POLK: variants seen among roughly 807,000 people sequenced by gnomAD.
POLK encodes the protein polymerase (DNA directed) kappa.
A neutral mutation model predicts 94.0 loss-of-function variants in POLK; 76 were observed. That is an observed-to-expected ratio of 0.81 (90% confidence interval 0.67 to 0.98). POLK has a LOEUF of 0.98. Among genes scored for constraint, POLK ranks in the 50% least tolerant of loss-of-function variants. The pLI, the probability that POLK is intolerant of heterozygous loss-of-function variation, is 0.00. For synonymous variants in POLK, 349 were observed against 325.4 expected, an observed-to-expected ratio of 1.07 and a Z score of -0.78; for missense variants, 954 against 1,010.1, an observed-to-expected ratio of 0.94 and a Z score of 0.75.
upstream of POLK, chr5:75,511,281 G>GT (rs1767975660): frequency 1.9e-6 from 3 of 1,581,122 alleles, no homozygotes; most frequent in Admixed American, 1.8e-5. Context: ...CAGTCCTCGG[G>GT]GTGAAGGGTC....
At chr5:75,540,065 A>G (rs1769660191) in intron 1 of POLK, among the ~76,000 whole-genome samples, 1 of 152,234 alleles carries the variant, frequency 6.6e-6, no homozygotes, top group Non-Finnish European at 1.5e-5. Flanking sequence ...TATCAAGGTT[A>G]GAACTCAGAA....
chr5:75,537,563 A>G (rs533092332), intron 1 of POLK, among the ~76,000 whole-genome samples: 1 of 152,282 alleles, frequency 6.6e-6, no homozygotes, highest in African/African-American at 2.4e-5. Flanking sequence ...AGCAATGCGC[A>G]TGAGCTGCTT....
At chr5:75,562,989 C>T (rs1771068845) in intron 3 of POLK, among the ~76,000 whole-genome samples, 1 of 152,158 alleles carries the variant, frequency 6.6e-6, no homozygotes, top group African/African-American at 2.4e-5. Flanking sequence ...TGTTGTGTCT[C>T]TCTCAGGTTT....
At chr5:75,569,555 C>A in intron 4 of POLK, 63 bp downstream of exon 4, 1 of 1,376,814 alleles carries the variant, frequency 7.3e-7, no homozygotes, top group South Asian at 1.3e-5. Flanking sequence ...TTTACTGTTT[C>A]ATGAAGGGGG....
intron 1 of POLK, among the ~76,000 whole-genome samples, chr5:75,544,961 T>C (rs1355314270): frequency 6.6e-6 from 1 of 152,008 alleles, no homozygotes; most frequent in Admixed American, 6.6e-5. Flanking sequence ...ATACCAGTGG[T>C]TCTTGTACTT....
chr5:75,545,689 T>C (rs1228968236), intron 1 of POLK, among the ~76,000 whole-genome samples: 2 of 152,202 alleles, frequency 1.3e-5, no homozygotes, highest in African/African-American at 4.8e-5. Context: ...TTTCATTGCC[T>C]TAAGAAGGAG....
intron 4 of POLK, among the ~76,000 whole-genome samples, chr5:75,573,191 T>G (rs963320250): frequency 6.6e-6 from 1 of 151,976 alleles, no homozygotes; most frequent in African/African-American, 2.4e-5. Context: ...CCATAAAAAA[T>G]GATGAGTTCA....
intron 1 of POLK, among the ~76,000 whole-genome samples, chr5:75,543,881 T>C (rs1228889185): frequency 6.6e-6 from 1 of 152,192 alleles, no homozygotes; most frequent in Non-Finnish European, 1.5e-5. Context: ...TTGCCCAGGC[T>C]GGAGTGCAGT....
At chr5:75,541,282 A>G (rs1187606649) in intron 1 of POLK, among the ~76,000 whole-genome samples, 1 of 151,406 alleles carries the variant, frequency 6.6e-6, no homozygotes, top group Non-Finnish European at 1.5e-5. Flanking sequence ...CAAGACTGAA[A>G]CTCTGTCTTC....
chr5:75,599,131 A>C (rs1387670051), exon 15 of POLK: 1 of 152,016 alleles, frequency 6.6e-6, no homozygotes, highest in Admixed American at 6.6e-5. Flanking sequence ...ACACGCCTGT[A>C]ATCCCAGCTA....
chr5:75,599,653 A>T (rs1183040926), exon 15 of POLK: 3 of 152,186 alleles, frequency 2.0e-5, no homozygotes, highest in Non-Finnish European at 4.4e-5. Context: ...CTGAAAGGTA[A>T]ATAGTACCAT....
At chr5:75,541,307 A>G (rs566380410) in intron 1 of POLK, among the ~76,000 whole-genome samples, 2 of 152,090 alleles carry the variant, frequency 1.3e-5, no homozygotes, top group Non-Finnish European at 2.9e-5. Context: ...TCAAAAAAAA[A>G]CCAAAAAACA....
intron 1 of POLK, among the ~76,000 whole-genome samples, chr5:75,540,455 T>C (rs1769680778): frequency 6.6e-6 from 1 of 151,934 alleles, no homozygotes; most frequent in Admixed American, 6.6e-5. Flanking sequence ...TACAGGCACA[T>C]GTCAACACAC....
downstream of POLK, among the ~76,000 whole-genome samples, chr5:75,603,680 C>T (rs532190092): frequency 3.3e-5 from 5 of 152,312 alleles, no homozygotes; most frequent in East Asian, 9.6e-4. Context: ...ACTGGCTTGG[C>T]ATTCAGGGTT....
chr5:75,581,675 TTTC>T, intron 7 of POLK: 1 of 449,118 alleles, frequency 2.2e-6, no homozygotes, highest in South Asian at 2.8e-5. Flanking sequence ...TATACGTTTC[TTTC>T]TTTTTTTTTT....
chr5:75,511,767 C>T, exon 1 of POLK: 2 of 1,551,452 alleles, frequency 1.3e-6, no homozygotes, highest in Non-Finnish European at 1.7e-6. Context: ...ACCTCCGGCT[C>T]TCCCGGGTGA....
chr5:75,587,052 T>C lies in POLK; in HGVS notation c.1253T>C (p.Val418Ala), dbSNP rs775400319. 42 of 1,524,784 alleles carry C rather than the reference T, an allele frequency of 2.8e-5. No individual in the cohort carries two copies. In the South Asian group the frequency reaches 4.7e-4, roughly 17 times the overall value. 94.5% of individuals were successfully genotyped at this position (1,524,784 alleles called of 1,614,324 possible). ...GATGGAGAGAGGAAAAGTATGAGCG[T>C]TGAGAGGTAATGTTTTATTATTTAT... is the stretch of plus-strand genomic sequence containing the variant. Residue 418 changes from valine (V) to alanine (A), a missense_variant, in exon 10 of 15, where the codon GTT (valine) becomes GCT (alanine). Val to Ala is a moderately conservative substitution (Grantham distance 64). Coordinates refer to ENST00000241436, the Ensembl canonical transcript of POLK.
chr5:75,520,774 C>T (rs1768538446), intron 1 of POLK, among the ~76,000 whole-genome samples: 1 of 152,058 alleles, frequency 6.6e-6, no homozygotes, highest in African/African-American at 2.4e-5. Context: ...GAAGAACTCC[C>T]TTTAGTGTTT....
At chr5:75,581,922 G>A (rs899064012) in intron 7 of POLK, 9 of 321,428 alleles carry the variant, frequency 2.8e-5, no homozygotes, top group East Asian at 3.4e-4. Flanking sequence ...CTCATGATCC[G>A]CCCACCTTGG....
Sources: allele counts gnomAD v4.1 joint callset (sites outside exome capture counted in the v4.1 genomes callset), GRCh38; gene constraint gnomAD v4.1.1; transcripts MANE v1.5; gene names NCBI Gene and HGNC (gene_info 2026-07-23, HGNC 2026-07-21).